Variants in C19orf38 observed in about 807,000 individuals in gnomAD.
C19orf38 encodes protein HIDE1.
A neutral mutation model predicts 26.6 loss-of-function variants in C19orf38; 14 were observed. The ratio of observed to expected loss-of-function variants is 0.53; its 90% CI spans 0.35 to 0.82. The LOEUF (loss-of-function observed/expected upper bound fraction) is 0.82, where lower values mean the gene tolerates loss of function less well. C19orf38 is among the 40% of genes least tolerant of loss of function. The pLI is 0.01. For synonymous variants in C19orf38, 132 were observed against 128.5 expected, an observed-to-expected ratio of 1.03 and a Z score of -0.18; for missense variants, 261 against 299.5, an observed-to-expected ratio of 0.87 and a Z score of 0.95.
At chr19:10,866,099 C>G (rs1173552109) in intron 6 of C19orf38, among the ~76,000 whole-genome samples, 1 of 151,634 alleles carries the variant, frequency 6.6e-6, no homozygotes, top group Non-Finnish European at 1.5e-5. Context: ...AAAGGGATGT[C>G]ATGATCTTGG....
chr19:10,850,060 CAAAAAAA>C lies in C19orf38; in HGVS notation c.32-197_32-191del, dbSNP rs371862903. Among the ~76,000 whole-genome samples the C allele has an allele frequency of 2.4e-3, 355 of 150,904 alleles. 2 individuals are homozygous for C. The highest frequency in any genetic ancestry group is 8.2e-3 in the African/African-American group (337 of 41,136). ...GGTGGCAGAGTGAGACTCCGACTCA[CAAAAAAA>C]AGAAAAAAGAAAAGTAATTCAACTA... is the stretch of plus-strand genomic sequence containing the variant. On this transcript the variant is annotated intron_variant, in intron 1 of 6. Coordinates refer to ENST00000397820, the MANE Select transcript of C19orf38 (RefSeq NM_001136482.3).
rs573320083 is a variant in C19orf38, at chr19:10,849,688, CTAAA to C, written c.32-558_32-555del. Among the ~76,000 whole-genome samples the C allele has an allele frequency of 2.5e-3, 381 of 151,854 alleles. 2 individuals carry two copies. Among genetic ancestry groups the C allele is most frequent in the African/African-American group, 8.4e-3 (350 of 41,442 alleles). On this transcript the variant is annotated intron_variant, in intron 1 of 6. Coordinates refer to ENST00000397820, the MANE Select transcript of C19orf38 (RefSeq NM_001136482.3). ...TGGGCGACAAAGCAAGATTTTGTCT[CTAAA>C]TAAATAAATAAAGTAATAATAAATT... is the stretch of plus-strand genomic sequence containing the variant.
Position 10,859,916 on chromosome 19 carries a change from G to A in C19orf38, c.463G>A (p.Asp155Asn). 1.3e-6 allele frequency: 2 copies of A among 1,551,876 alleles called. No homozygotes were observed. Among genetic ancestry groups the A allele is most frequent in the Non-Finnish European group, 1.7e-6 (2 of 1,146,922 alleles). ...VKLRNLQKKR[D>N]RESCWAQINF... Reference sequence around the variant, plus strand: ...ACTTTCTCCTGAATTCCTTTGCAGAGATCGAGAATCCTGCTGGGCCCAGAT... The same window carrying A: ...ACTTTCTCCTGAATTCCTTTGCAGAAATCGAGAATCCTGCTGGGCCCAGAT... The change falls in exon 5 of 7, where the codon GAT becomes AAT. Residue 155 changes from aspartate to asparagine, a missense_variant and splice_region_variant. Asp to Asn is a conservative substitution (Grantham distance 23). Coordinates refer to ENST00000397820, the MANE Select transcript of C19orf38 (RefSeq NM_001136482.3).
chr19:10,856,335 T>C lies in C19orf38; in HGVS notation c.411T>C (p.Ala137=). Residue 137 remains alanine, a synonymous_variant, in exon 3 of 7, where the codon GCT becomes GCC. Transcript: ENST00000397820. Reference sequence around the variant, plus strand: ...TCTTCCTCCTTGCTGGGCTGGTGGCTGTTGCCCTGGTGGTCAGAAAAGGTA... The same window carrying C: ...TCTTCCTCCTTGCTGGGCTGGTGGCCGTTGCCCTGGTGGTCAGAAAAGGTA... ...GALFLLAGLV[A]VALVVRKVKL... 1 of 1,551,226 alleles carries C rather than the reference T, an allele frequency of 6.4e-7. No homozygotes were observed. The highest frequency in any genetic ancestry group is 8.7e-7 in the Non-Finnish European group (1 of 1,146,628).
intron 1 of C19orf38, chr19:10,842,014 C>A: frequency 1.2e-6 from 2 of 1,610,612 alleles, no homozygotes; most frequent in Non-Finnish European, 8.5e-7. Flanking sequence ...CCTTTTGGAG[C>A]CATGAATATT....
At chr19:10,864,518 T>C (rs1292402122) in intron 6 of C19orf38, among the ~76,000 whole-genome samples, 3 of 152,028 alleles carry the variant, frequency 2.0e-5, no homozygotes, top group Non-Finnish European at 4.4e-5. Context: ...TTTACTGCTA[T>C]TGAGCTGGGA....
rs1016359659 is a variant in C19orf38, at chr19:10,860,908, G to C, written c.505+950G>C. 8.6e-5 allele frequency among the ~76,000 whole-genome samples: 13 copies of C among 151,034 alleles called. No individual in the cohort carries two copies. In the East Asian group the frequency reaches 2.6e-3, roughly 30 times the overall value. The stretch of plus-strand genomic sequence containing the variant: ...GCCTGTAATCCCAGCACTTTGGGAG[G>C]CCAAGGCAGGTGGATCACGAGGTCA... On this transcript the variant is annotated intron_variant, in intron 5 of 6. Transcript: ENST00000397820.
At chr19:10,857,895 AAAG>A (rs2073646503) in intron 3 of C19orf38, among the ~76,000 whole-genome samples, 1 of 23,912 alleles carries the variant, frequency 4.2e-5, no homozygotes, top group South Asian at 1.2e-3. Flanking sequence ...AACAACAAAA[AAAG>A]AAAGAAAGAA....
intron 4 of C19orf38, 125 bp from the exon 5 acceptor site, chr19:10,859,790 G>T (rs1241965467): frequency 5.0e-6 from 4 of 793,430 alleles, no homozygotes; most frequent in African/African-American, 1.7e-5. Context: ...AAGACCCATG[G>T]GTCAGTGGGT....
At chr19:10,846,891 C>G (rs1317095099), upstream of C19orf38, among the ~76,000 whole-genome samples, 1 of 152,134 alleles carries the variant, frequency 6.6e-6, no homozygotes, top group East Asian at 1.9e-4. Flanking sequence ...CCCAGAAGTG[C>G]TATTTAAACT....
rs1028209285 is a variant in C19orf38, at chr19:10,858,434, A to C, written c.461+91A>C. On this transcript the variant is annotated intron_variant, in intron 4 of 6. Coordinates refer to ENST00000397820, the MANE Select transcript of C19orf38 (RefSeq NM_001136482.3). Reference sequence around the variant, plus strand: ...TGGGCACTCCATGCCCCCCACAAACAGCGCCTCCTGGTGGGCATGCTGCGT... The same window carrying C: ...TGGGCACTCCATGCCCCCCACAAACCGCGCCTCCTGGTGGGCATGCTGCGT... The C allele has an allele frequency of 4.7e-6, 6 of 1,265,882 alleles. No homozygotes were observed. The East Asian group carries it at 1.5e-4, about 32-fold the overall frequency. The allele number at this position is 1,265,882 out of a possible 1,614,324, so 78.4% of individuals were successfully genotyped here. A position where few individuals can be genotyped will look rare whatever the true frequency, so the allele number is the denominator to read the frequency against.
Position 10,869,485 on chromosome 19 carries a change from G to A in C19orf38, c.*118G>A. ...CAGGGAATTGGACAGAGGAAAGGAA[G>A]GGGAACCCTGGCCTTGGGATTTTCA... is the stretch of plus-strand genomic sequence containing the variant. On this transcript the variant is annotated 3_prime_UTR_variant, in exon 7 of 7. Coordinates refer to ENST00000397820, the MANE Select transcript of C19orf38 (RefSeq NM_001136482.3). The A allele has an allele frequency of 7.5e-7, 1 of 1,338,674 alleles. No individual in the cohort carries two copies. Among genetic ancestry groups the A allele is most frequent in the Non-Finnish European group, 9.9e-7 (1 of 1,010,464 alleles). The allele number at this position is 1,338,674 out of a possible 1,614,324, so 82.9% of individuals were successfully genotyped here.
intron 2 of C19orf38, among the ~76,000 whole-genome samples, chr19:10,851,350 CTT>C (rs56183502): frequency 7.0e-6 from 1 of 143,182 alleles, no homozygotes. Flanking sequence ...CTGCACCTGG[CTT>C]TTTTTTTTTT....
intron 6 of C19orf38, among the ~76,000 whole-genome samples, chr19:10,867,205 C>G (rs1348908103): frequency 6.6e-6 from 1 of 152,140 alleles, no homozygotes; most frequent in Middle Eastern, 3.4e-3. Flanking sequence ...CTCTTCTGGA[C>G]ATCTCATGGA....
At position 10,857,366 on chromosome 19, in the gene C19orf38, A is replaced by ATAT. The variant is rs1433358051; in HGVS notation, c.434-949_434-948insATT. Among the ~76,000 whole-genome samples, 116 of 56,088 alleles carry ATAT rather than the reference A, an allele frequency of 2.1e-3. 7 individuals carry two copies. Among genetic ancestry groups the ATAT allele is most frequent in the African/African-American group, 0.017 (97 of 5,828 alleles). 36.8% of individuals were successfully genotyped at this position (56,088 alleles called of 152,430 possible). The stretch of plus-strand genomic sequence containing the variant: ...TATATATATATATATATATATATAT[A>ATAT]TTTTTTTTTTTTTTTTTTTAAGATG... On this transcript the variant is annotated intron_variant, in intron 3 of 6. Coordinates refer to ENST00000397820, the MANE Select transcript of C19orf38 (RefSeq NM_001136482.3).
At position 10,863,287 on chromosome 19, in the gene C19orf38, G is replaced by A. The variant is rs944503844; in HGVS notation, c.543+80G>A. The A allele has an allele frequency of 3.4e-5, 49 of 1,455,566 alleles. No homozygotes were observed. The African/African-American group carries it at 5.4e-4, about 16-fold the overall frequency. 90.2% of individuals were successfully genotyped at this position (1,455,566 alleles called of 1,614,324 possible). A position where few individuals can be genotyped will look rare whatever the true frequency, so the allele number is the denominator to read the frequency against. The stretch of plus-strand genomic sequence containing the variant: ...ACGGGGCGGGCTCAAGGGGCACCAC[G>A]AGGCTAAGTTGACCTGCTGTCTCTA... On this transcript the variant is annotated intron_variant, in intron 6 of 6. Transcript: ENST00000397820.
intron 1 of C19orf38, among the ~76,000 whole-genome samples, chr19:10,839,612 T>C (rs995489409): frequency 7.9e-5 from 12 of 152,340 alleles, no homozygotes; most frequent in African/African-American, 1.9e-4. Context: ...ACCATTTGTA[T>C]TGAACTTCTT....
rs72498109 is a variant in C19orf38, at chr19:10,857,933, A to AG, written c.434-383_434-382insG. Among the ~76,000 whole-genome samples, 89 of 144,306 alleles carry AG rather than the reference A, an allele frequency of 6.2e-4. 1 individual carries two copies. Among genetic ancestry groups the AG allele is most frequent in the Middle Eastern group, 7.7e-3 (2 of 260 alleles). The allele number at this position is 144,306 out of a possible 152,430, so 94.7% of individuals were successfully genotyped here. A position where few individuals can be genotyped will look rare whatever the true frequency, so the allele number is the denominator to read the frequency against. ...AAGAAAGAAAGAAAGAAAGAAAGAAAAATCTGAGGCCTTCCAGGCTGGGTG... is the reference window on the plus strand; with the variant it reads ...AAGAAAGAAAGAAAGAAAGAAAGAAAGAATCTGAGGCCTTCCAGGCTGGGTG... On this transcript the variant is annotated intron_variant, in intron 3 of 6. Transcript: ENST00000397820.
chr19:10,860,449 CAT>C (rs998780479), intron 5 of C19orf38, among the ~76,000 whole-genome samples: 2 of 139,048 alleles, frequency 1.4e-5, no homozygotes, highest in Non-Finnish European at 3.0e-5. Flanking sequence ...CAAGGAGAAT[CAT>C]GTGAACCTGG....
Sources: allele counts gnomAD v4.1 joint callset (sites outside exome capture counted in the v4.1 genomes callset), GRCh38; gene constraint gnomAD v4.1.1; transcripts MANE v1.5; gene names NCBI Gene and HGNC (gene_info 2026-07-23, HGNC 2026-07-21).